Variants in ZBBX observed in about 807,000 individuals in gnomAD.
ZBBX encodes the protein zinc finger B-box domain-containing protein 1.
In ZBBX, 101 loss-of-function variants were observed where a neutral mutation model predicts 108.5. The observed-to-expected ratio is 0.93, with a 90% CI of 0.79 to 1.10. The LOEUF (loss-of-function observed/expected upper bound fraction) is 1.10, where lower values mean the gene tolerates loss of function less well. Among genes scored for constraint, ZBBX ranks in the 50% least tolerant of loss-of-function variants. The pLI, the probability that ZBBX is intolerant of heterozygous loss-of-function variation, is 0.00. For missense variants in ZBBX, 1,009 were observed against 941.4 expected, an observed-to-expected ratio of 1.07 and a Z score of -0.94; for synonymous variants, 356 against 323.4, an observed-to-expected ratio of 1.10 and a Z score of -1.08.
chr3:167,184,275 T>C, the ZBBX span, among the ~76,000 whole-genome samples: 1 of 152,192 alleles, frequency 6.6e-6, no homozygotes, highest in African/African-American at 2.4e-5. Flanking sequence ...ATAACATGGC[T>C]GTTTTCCTTT....
chr3:167,361,188 T>G (rs1378997901), intron 6 of ZBBX, among the ~76,000 whole-genome samples: 1 of 152,108 alleles, frequency 6.6e-6, no homozygotes, highest in Non-Finnish European at 1.5e-5. Context: ...TTTAGAGAAC[T>G]GCATGTGTAA....
At chr3:167,198,212 G>A in the ZBBX span, among the ~76,000 whole-genome samples, 8 of 152,004 alleles carry the variant, frequency 5.3e-5, no homozygotes, top group African/African-American at 1.7e-4. Flanking sequence ...GTTATATCTA[G>A]TGTGACAGAA....
intron 8 of ZBBX, among the ~76,000 whole-genome samples, chr3:167,355,374 C>G (rs1281104984): frequency 6.6e-6 from 1 of 151,814 alleles, no homozygotes; most frequent in Non-Finnish European, 1.5e-5. Context: ...CCGTAGTAAC[C>G]TATTTCACAA....
intron 4 of ZBBX, among the ~76,000 whole-genome samples, chr3:167,369,221 G>T (rs191811518): frequency 1.3e-5 from 2 of 152,142 alleles, no homozygotes; most frequent in African/African-American, 4.8e-5. Flanking sequence ...ATTAGCCACC[G>T]ACTCTTTCTT....
chr3:167,240,881 G>A lies in ZBBX; in HGVS notation c.2432C>T (p.Ser811Leu), dbSNP rs200693691. The part of the protein sequence containing the change: ...GRDTKIQSLL[S>L]LSESSTDEEE... ...CTCATCTGTACTGCTCTCAGAAAGT[G>A]ACAGCAAAGACTGAATTTTGGTATC... Residue 811 changes from serine (S) to leucine (L), a missense_variant, in exon 22 of 22, where the codon TCA (serine) becomes TTA (leucine). Transcript: ENST00000675490. 2.5e-6 allele frequency: 4 copies of A among 1,613,344 alleles called. No individual in the cohort carries two copies. Among genetic ancestry groups the A allele is most frequent in the Non-Finnish European group, 8.5e-7 (1 of 1,179,544 alleles).
At chr3:167,272,299 T>G (rs1032995251) in intron 20 of ZBBX, among the ~76,000 whole-genome samples, 1 of 152,210 alleles carries the variant, frequency 6.6e-6, no homozygotes, top group Non-Finnish European at 1.5e-5. Context: ...TGGTCTCTCC[T>G]TTACCTTCTC....
At position 167,240,642 on chromosome 3, in the gene ZBBX, A is replaced by T; in HGVS notation, c.*151T>A. 4 of 826,250 alleles carry T rather than the reference A, an allele frequency of 4.8e-6. No individual in the cohort carries two copies. Among genetic ancestry groups the T allele is most frequent in the Non-Finnish European group, 7.3e-6 (4 of 548,988 alleles). 51.2% of individuals were successfully genotyped at this position (826,250 alleles called of 1,614,324 possible). On this transcript the variant is annotated 3_prime_UTR_variant, in exon 22 of 22. Transcript: ENST00000675490. ...TGGAAGAATAAGCCCTTGAACTTAT[A>T]ATTTTACTTTTATTAGTTTGTAGCC... is the stretch of plus-strand genomic sequence containing the variant.
downstream of ZBBX, among the ~76,000 whole-genome samples, chr3:167,239,034 A>G (rs1050892321): frequency 3.3e-5 from 5 of 152,054 alleles, no homozygotes; most frequent in East Asian, 9.7e-4. Context: ...CTATCTATAG[A>G]AAAACAGAGA....
chr3:167,211,088 G>A, the ZBBX span, among the ~76,000 whole-genome samples: 5 of 152,142 alleles, frequency 3.3e-5, no homozygotes, highest in Admixed American at 6.5e-5. Flanking sequence ...TATATGCATT[G>A]GAATTAACCG....
chr3:167,208,707 TTGGC>T, the ZBBX span, among the ~76,000 whole-genome samples: 1 of 152,300 alleles, frequency 6.6e-6, no homozygotes, highest in East Asian at 1.9e-4. Context: ...CAGAGATATA[TTGGC>T]TTCATATGTG....
chr3:167,300,616 T>TC (rs2108196100), intron 17 of ZBBX, among the ~76,000 whole-genome samples: 1 of 151,726 alleles, frequency 6.6e-6, no homozygotes, highest in East Asian at 1.9e-4. Flanking sequence ...ACCCTTTTTT[T>TC]TTTTTTTTAC....
At chr3:167,266,900 A>G (rs1389805119) in intron 20 of ZBBX, among the ~76,000 whole-genome samples, 7 of 152,066 alleles carry the variant, frequency 4.6e-5, no homozygotes, top group Admixed American at 3.9e-4. Flanking sequence ...ACCTCATTGC[A>G]GTGGCTTCAG....
At chr3:167,347,870 G>T (rs1014730526) in intron 9 of ZBBX, among the ~76,000 whole-genome samples, 4 of 151,950 alleles carry the variant, frequency 2.6e-5, no homozygotes, top group African/African-American at 9.7e-5. Context: ...ACAAGGAAGA[G>T]ACATAGTTCT....
intron 9 of ZBBX, among the ~76,000 whole-genome samples, chr3:167,335,486 G>A (rs1186114108): frequency 6.6e-6 from 1 of 151,990 alleles, no homozygotes; most frequent in Non-Finnish European, 1.5e-5. Flanking sequence ...AGAATCGTCA[G>A]ATGCTCTGTG....
At chr3:167,210,275 C>T in the ZBBX span, among the ~76,000 whole-genome samples, 2 of 151,892 alleles carry the variant, frequency 1.3e-5, no homozygotes, top group African/African-American at 2.4e-5. Context: ...AAGAATGCAT[C>T]AGCATCCCTC....
intron 5 of ZBBX, 99 bp from the exon 6 acceptor site, chr3:167,366,075 AGTT>A (rs1413121983): frequency 5.0e-6 from 4 of 802,494 alleles, no homozygotes; most frequent in African/African-American, 3.5e-5. Flanking sequence ...ATGGAAATTC[AGTT>A]GTTAACATGC....
chr3:167,247,249 G>A (rs536500449), intron 20 of ZBBX, among the ~76,000 whole-genome samples: 5 of 152,274 alleles, frequency 3.3e-5, no homozygotes, highest in Admixed American at 1.3e-4. Context: ...GCAAGAGGAC[G>A]TCAAGCGATC....
intron 20 of ZBBX, among the ~76,000 whole-genome samples, chr3:167,265,858 G>T (rs6802780): frequency 7.3e-4 from 111 of 152,296 alleles, no homozygotes; most frequent in African/African-American, 2.6e-3. Flanking sequence ...TTTATTCTCT[G>T]CTGTGACCAG....
chr3:167,232,202 G>A, the ZBBX span, among the ~76,000 whole-genome samples: 1 of 151,748 alleles, frequency 6.6e-6, no homozygotes, highest in African/African-American at 2.4e-5. Context: ...ACATAACAGT[G>A]CAATGAACTG....
Sources: allele counts gnomAD v4.1 joint callset (sites outside exome capture counted in the v4.1 genomes callset), GRCh38; gene constraint gnomAD v4.1.1; transcripts MANE v1.5; gene names NCBI Gene and HGNC (gene_info 2026-07-23, HGNC 2026-07-21).